Variants in MKNK2 observed in about 807,000 individuals in gnomAD.
MKNK2 encodes MAPK interacting serine/threonine kinase 2, also known as MAP kinase-interacting serine/threonine-protein kinase 2.
MKNK2 carries 54 observed loss-of-function variants against 55.0 expected under a neutral mutation model. The ratio of observed to expected loss-of-function variants is 0.98; its 90% CI spans 0.79 to 1.23. The LOEUF is 1.23. MKNK2 is among the 50% of genes most tolerant of loss of function. The probability of loss-of-function intolerance (pLI) is 0.00; values close to 1 mark genes in which losing one functional copy is unlikely to be tolerated. For synonymous variants in MKNK2, 323 were observed against 256.0 expected (o/e 1.26, Z -2.50); for missense variants, 685 against 632.1 (o/e 1.08, Z -0.90).
intron 11 of MKNK2, 54 bp from the exon 12 acceptor site, chr19:2,041,258 T>C: frequency 6.4e-7 from 1 of 1,559,026 alleles, no homozygotes; most frequent in Non-Finnish European, 8.7e-7. Context: ...CTGGATACTG[T>C]GCACTGACAC....
chr19:2,037,723 G>A lies in MKNK2; in HGVS notation c.*1890C>T. 1 of 1,562,498 alleles carries A rather than the reference G, an allele frequency of 6.4e-7. No individual in the cohort carries two copies. The highest frequency in any genetic ancestry group is 8.7e-7 in the Non-Finnish European group (1 of 1,145,872). ...GCGATGGGAGCTGGCCTGGGGCCCAGGGTCCTCCAGGATCTTCACTCATTC... is the reference window on the plus strand; with the variant it reads ...GCGATGGGAGCTGGCCTGGGGCCCAAGGTCCTCCAGGATCTTCACTCATTC... On this transcript the variant is annotated 3_prime_UTR_variant, in exon 14 of 14. Transcript: ENST00000250896.
At chr19:2,047,632 C>T (rs1208722191) in intron 2 of MKNK2, among the ~76,000 whole-genome samples, 1 of 152,098 alleles carries the variant, frequency 6.6e-6, no homozygotes, top group African/African-American at 2.4e-5. Flanking sequence ...GTGGCTGTGC[C>T]TGCTTTCCCA....
At position 2,043,159 on chromosome 19, in the gene MKNK2, T is replaced by G; in HGVS notation, c.458A>C (p.Asp153Ala). The G allele has an allele frequency of 6.2e-7, 1 of 1,611,758 alleles. No individual in the cohort carries two copies. Residue 153 changes from aspartate (D) to alanine (A), a missense_variant, in exon 7 of 14, where the codon GAC becomes GCC. Coordinates refer to ENST00000250896, the MANE Select transcript of MKNK2 (RefSeq NM_199054.3). ...CTTCTCAAACACCAGGTAGAAGCGG[T>G]CCTCCTCCTCGAAGAACTCAATCAG... ...LELIEFFEEE[D>A]RFYLVFEKMR...
At chr19:2,042,893 G>A (rs2016922969) in intron 7 of MKNK2, 23 bp from the exon 8 acceptor site, 2 of 1,549,460 alleles carry the variant, frequency 1.3e-6, no homozygotes, top group East Asian at 2.4e-5. Context: ...GGGCAGGGCA[G>A]GACAGGGGGA....
At chr19:2,047,939 G>A (rs898137396) in intron 2 of MKNK2, among the ~76,000 whole-genome samples, 14 of 151,954 alleles carry the variant, frequency 9.2e-5, no homozygotes, top group South Asian at 4.1e-4. Context: ...GTGCACCTAC[G>A]CCCCCGCCAC....
chr19:2,041,475 G>A (rs1226632977), intron 11 of MKNK2, among the ~76,000 whole-genome samples: 1 of 152,164 alleles, frequency 6.6e-6, no homozygotes, highest in Non-Finnish European at 1.5e-5. Flanking sequence ...GCCTGAGCCT[G>A]ATCCCCCCAA....
chr19:2,039,209 T>C lies in MKNK2; in HGVS notation c.*404A>G. ...AGGGTCCTGTGCCCCTCCCCAGCTC[T>C]GCAAGATGGCAAACGCTGTGGGCCT... On this transcript the variant is annotated 3_prime_UTR_variant, in exon 14 of 14. Coordinates refer to ENST00000250896, the MANE Select transcript of MKNK2 (RefSeq NM_199054.3). The C allele has an allele frequency of 9.6e-7, 1 of 1,039,322 alleles. No individual in the cohort carries two copies. The highest frequency in any genetic ancestry group is 1.2e-6 in the Non-Finnish European group (1 of 862,650). 64.4% of individuals were successfully genotyped at this position (1,039,322 alleles called of 1,614,324 possible).
At position 2,037,725 on chromosome 19, in the gene MKNK2, G is replaced by A. The variant is rs1481954960; in HGVS notation, c.*1888C>T. On this transcript the variant is annotated 3_prime_UTR_variant, in exon 14 of 14. Transcript: ENST00000250896. Reference sequence around the variant, plus strand: ...GATGGGAGCTGGCCTGGGGCCCAGGGTCCTCCAGGATCTTCACTCATTCAC... The same window carrying A: ...GATGGGAGCTGGCCTGGGGCCCAGGATCCTCCAGGATCTTCACTCATTCAC... The A allele has an allele frequency of 1.9e-6, 3 of 1,568,328 alleles. No homozygotes were observed. The East Asian group carries it at 6.8e-5, about 36-fold the overall frequency.
rs560127544 is a variant in MKNK2 at position 2,038,076 on chromosome 19, A to T, written c.*1537T>A. The T allele has an allele frequency of 4.3e-6, 5 of 1,170,394 alleles. No individual in the cohort carries two copies. The Admixed American group carries it at 1.6e-4, about 38-fold the overall frequency. The allele number at this position is 1,170,394 out of a possible 1,614,324, so 72.5% of individuals were successfully genotyped here. A position where few individuals can be genotyped will look rare whatever the true frequency, so the allele number is the denominator to read the frequency against. On this transcript the variant is annotated 3_prime_UTR_variant, in exon 14 of 14. Transcript: ENST00000250896. ...GAAGGGGCAGTCCACAGATATGGGC[A>T]GTGGGGACCAGGGAAGGCAGAGCAC... is the stretch of plus-strand genomic sequence containing the variant.
At position 2,037,913 on chromosome 19, in the gene MKNK2, C is replaced by T. The variant is rs553831931; in HGVS notation, c.*1700G>A. On this transcript the variant is annotated 3_prime_UTR_variant, in exon 14 of 14. Transcript: ENST00000250896. ...ACCCGATGGCTATGGGCGCCTGCAG[C>T]GGGCGGGGGTCCATTTGCTTGTTCT... 58 of 1,406,810 alleles carry T rather than the reference C, an allele frequency of 4.1e-5. No homozygotes were observed. Among genetic ancestry groups the T allele is most frequent in the African/African-American group, 3.0e-4 (21 of 69,116 alleles). The allele number at this position is 1,406,810 out of a possible 1,614,324, so 87.1% of individuals were successfully genotyped here.
chr19:2,050,956 G>T lies in MKNK2; in HGVS notation c.-96-9C>A. The T allele has an allele frequency of 1.4e-6, 1 of 729,484 alleles. No individual in the cohort carries two copies. Among genetic ancestry groups the T allele is most frequent in the Non-Finnish European group, 2.1e-6 (1 of 484,202 alleles). The allele number at this position is 729,484 out of a possible 1,614,324, so 45.2% of individuals were successfully genotyped here. A position where few individuals can be genotyped will look rare whatever the true frequency, so the allele number is the denominator to read the frequency against. ...CGGCCGAGGAGGGGACCCTGCGGGC[G>T]GGAGCAGACAAAGGGAGGGCGGTGA... On this transcript the variant is annotated splice_polypyrimidine_tract_variant and intron_variant, in intron 1 of 13. Coordinates refer to ENST00000250896, the MANE Select transcript of MKNK2 (RefSeq NM_199054.3).
chr19:2,040,456 C>T, intron 12 of MKNK2: 1 of 456,578 alleles, frequency 2.2e-6, no homozygotes, highest in Non-Finnish European at 3.9e-6. Context: ...AGCCCCATCT[C>T]TCCCGGCTGT....
At chr19:2,049,908 G>C (rs752980585) in intron 2 of MKNK2, among the ~76,000 whole-genome samples, 29 of 151,978 alleles carry the variant, frequency 1.9e-4, no homozygotes, top group South Asian at 6.2e-4. Context: ...ACAAGACAGA[G>C]ACACACACAC....
intron 1 of MKNK2, 63 bp downstream of exon 1, chr19:2,051,033 C>T (rs533736475): frequency 3.5e-5 from 13 of 368,234 alleles, no homozygotes; most frequent in Non-Finnish European, 5.7e-5. Context: ...GCGAGGGCTC[C>T]GCGGGGCCCG....
At chr19:2,050,713 C>T in intron 2 of MKNK2, 88 bp downstream of exon 2, 1 of 1,301,732 alleles carries the variant, frequency 7.7e-7, no homozygotes, top group Non-Finnish European at 1.1e-6. Flanking sequence ...GCCCCGGGAG[C>T]CGATCTTAGG....
In MKNK2 at chr19:2,039,540, T is replaced by C. The variant is rs760308800; in HGVS notation, c.*73A>G. ...GAGGGGCAGCCCGCTGGACACCGGC[T>C]GGCGATAGCTTAAAAAACCTTTAGA... On this transcript the variant is annotated 3_prime_UTR_variant, in exon 14 of 14. Coordinates refer to ENST00000250896, the MANE Select transcript of MKNK2 (RefSeq NM_199054.3). The C allele has an allele frequency of 4.0e-6, 6 of 1,511,800 alleles. No individual in the cohort carries two copies. Among genetic ancestry groups the C allele is most frequent in the Non-Finnish European group, 4.4e-6 (5 of 1,127,548 alleles). 93.6% of individuals were successfully genotyped at this position (1,511,800 alleles called of 1,614,324 possible). A position where few individuals can be genotyped will look rare whatever the true frequency, so the allele number is the denominator to read the frequency against.
chr19:2,050,715 G>A, intron 2 of MKNK2, 86 bp downstream of exon 2: 1 of 1,335,814 alleles, frequency 7.5e-7, no homozygotes, highest in Admixed American at 2.1e-5. Context: ...CCCGGGAGCC[G>A]ATCTTAGGGG....
At chr19:2,040,240 G>C (rs1482651428) in intron 12 of MKNK2, 63 bp from the exon 13 acceptor site, 2 of 1,397,570 alleles carry the variant, frequency 1.4e-6, no homozygotes, top group East Asian at 4.9e-5. Flanking sequence ...GGCGCTGGGT[G>C]GGGTGTCTGG....
chr19:2,047,837 C>T (rs758002926), intron 2 of MKNK2, among the ~76,000 whole-genome samples: 1 of 152,038 alleles, frequency 6.6e-6, no homozygotes, highest in African/African-American at 2.4e-5. Flanking sequence ...GCTTCCATCA[C>T]CCCTGCCTTC....
Sources: gnomAD v4.1 joint callset for allele counts (sites outside exome capture counted in the v4.1 genomes callset) on GRCh38, gnomAD v4.1.1 for gene constraint, MANE v1.5 for transcripts, NCBI Gene and HGNC (gene_info 2026-07-23, HGNC 2026-07-21) for gene names.